Variants in ANAPC4 observed in about 807,000 individuals in gnomAD.
The protein encoded by ANAPC4 is anaphase promoting complex subunit 4, also known as anaphase-promoting complex subunit 4.
ANAPC4 carries 63 observed loss-of-function variants against 119.8 expected under a neutral mutation model. The ratio of observed to expected loss-of-function variants is 0.53; its 90% CI spans 0.43 to 0.65. The LOEUF is 0.65. ANAPC4 is among the 30% of genes least tolerant of loss of function. The pLI is 0.00. For missense variants in ANAPC4, 716 were observed against 945.1 expected (o/e 0.76, Z 3.18); for synonymous variants, 283 against 318.6 (o/e 0.89, Z 1.19).
chr4:25,401,281 A>G (rs1241588362), intron 16 of ANAPC4, among the ~76,000 whole-genome samples: 1 of 151,704 alleles, frequency 6.6e-6, no homozygotes, highest in Non-Finnish European at 1.5e-5. Flanking sequence ...GTTGCTTGGA[A>G]TCTGTGTAGG....
intron 14 of ANAPC4, among the ~76,000 whole-genome samples, chr4:25,395,987 C>T (rs892168611): frequency 3.9e-5 from 6 of 152,212 alleles, no homozygotes; most frequent in Non-Finnish European, 5.9e-5. Context: ...CTCTCTGCCT[C>T]GCCCACACTG....
At chr4:25,394,767 T>C in intron 13 of ANAPC4, 54 bp downstream of exon 13, 1 of 1,595,170 alleles carries the variant, frequency 6.3e-7, no homozygotes, top group Non-Finnish European at 8.5e-7. Flanking sequence ...TCTTAATTTT[T>C]TTTTTCGAGT....
chr4:25,381,773 C>G (rs1721740818), intron 3 of ANAPC4, among the ~76,000 whole-genome samples: 1 of 152,112 alleles, frequency 6.6e-6, no homozygotes, highest in African/African-American at 2.4e-5. Flanking sequence ...TATGGTGAAA[C>G]CCCATCTCTA....
At chr4:25,404,647 G>A (rs141058977) in intron 17 of ANAPC4, among the ~76,000 whole-genome samples, 10 of 152,112 alleles carry the variant, frequency 6.6e-5, no homozygotes, top group African/African-American at 9.6e-5. Flanking sequence ...CTTACCGCTC[G>A]GTCCTTCTCA....
At chr4:25,380,503 A>T in intron 3 of ANAPC4, 24 bp downstream of exon 3, 1 of 1,538,540 alleles carries the variant, frequency 6.5e-7, no homozygotes, top group South Asian at 1.2e-5. Context: ...TACAAAAAAA[A>T]TATGTTTTTA....
intron 21 of ANAPC4, among the ~76,000 whole-genome samples, chr4:25,410,952 A>G (rs1368598421): frequency 6.6e-6 from 1 of 152,200 alleles, no homozygotes; most frequent in African/African-American, 2.4e-5. Context: ...GGTAAGTGAA[A>G]CTCAACCTAT....
Position 25,416,448 on chromosome 4 carries a change from A to T in ANAPC4, c.1925A>T (p.Gln642Leu). 1 of 1,550,384 alleles carries T rather than the reference A, an allele frequency of 6.5e-7. No individual in the cohort carries two copies. Among genetic ancestry groups the T allele is most frequent in the Non-Finnish European group, 8.8e-7 (1 of 1,141,188 alleles). Residue 642 changes from glutamine to leucine, a missense_variant, in exon 27 of 29, where the codon CAG becomes CTG. Transcript: ENST00000315368. ...AGCATCTACAGTTGTTTAGATGCAC[A>T]GTTTTATGATGATGAAACTGTAACA... ...RRSIYSCLDA[Q>L]FYDDETVTVV...
intron 20 of ANAPC4, among the ~76,000 whole-genome samples, chr4:25,408,318 C>A (rs777714169): frequency 6.6e-6 from 1 of 152,102 alleles, no homozygotes; most frequent in South Asian, 2.1e-4. Context: ...CATCTTCTTG[C>A]ACTTTGAACG....
At chr4:25,417,552 G>A in intron 27 of ANAPC4, 64 bp from the exon 28 acceptor site, 5 of 1,479,466 alleles carry the variant, frequency 3.4e-6, no homozygotes, top group Non-Finnish European at 3.6e-6. Context: ...AATACCACCT[G>A]TAGTAAAACT....
At chr4:25,400,534 T>C (rs1231602914) in intron 16 of ANAPC4, among the ~76,000 whole-genome samples, 1 of 152,150 alleles carries the variant, frequency 6.6e-6, no homozygotes, top group African/African-American at 2.4e-5. Context: ...AGCAGCTGTC[T>C]AGTCCAGCAG....
In ANAPC4 at chr4:25,418,147, T is replaced by G; in HGVS notation, c.2200-8T>G. On this transcript the variant is annotated splice_region_variant and splice_polypyrimidine_tract_variant and intron_variant, in intron 28 of 28. Coordinates refer to ENST00000315368, the MANE Select transcript of ANAPC4 (RefSeq NM_013367.3). The stretch of plus-strand genomic sequence containing the variant: ...TTAAAAATGCTTTTATGGCCTTTTC[T>G]TTTTTAGTTAAGCTCAAATCTTCGT... 1 of 1,606,466 alleles carries G rather than the reference T, an allele frequency of 6.2e-7. No homozygotes were observed. Among genetic ancestry groups the G allele is most frequent in the Non-Finnish European group, 8.5e-7 (1 of 1,177,002 alleles).
chr4:25,389,437 G>A (rs960348049), intron 7 of ANAPC4, among the ~76,000 whole-genome samples: 5 of 151,466 alleles, frequency 3.3e-5, no homozygotes, highest in African/African-American at 9.7e-5. Context: ...GATTACAGGC[G>A]TGAGCCACCG....
At position 25,414,288 on chromosome 4, in the gene ANAPC4, C is replaced by T. The variant is rs757181219; in HGVS notation, c.1624-36C>T. ...TGTAGAGTATCTGTGTGCATATTAA[C>T]GCTCTAATTATATTTTAAAATCTTA... On this transcript the variant is annotated intron_variant, in intron 22 of 28. Coordinates refer to ENST00000315368, the MANE Select transcript of ANAPC4 (RefSeq NM_013367.3). 1.2e-4 allele frequency: 160 copies of T among 1,366,860 alleles called. 1 individual carries two copies. The highest frequency in any genetic ancestry group is 1.3e-4 in the East Asian group (5 of 39,658). 84.7% of individuals were successfully genotyped at this position (1,366,860 alleles called of 1,614,324 possible). A position where few individuals can be genotyped will look rare whatever the true frequency, so the allele number is the denominator to read the frequency against.
chr4:25,386,421 C>T (rs1249826155), intron 4 of ANAPC4, among the ~76,000 whole-genome samples: 1 of 151,908 alleles, frequency 6.6e-6, no homozygotes, highest in African/African-American at 2.4e-5. Context: ...CCATGTTGGC[C>T]AGGCTGGTCT....
Position 25,406,828 on chromosome 4 carries a change from G to C in ANAPC4, c.1318-1G>C. 6.3e-7 allele frequency: 1 copy of C among 1,597,374 alleles called. No individual in the cohort carries two copies. ...TTTCTTTTTGTTCCTTTTGTTGATA[G>C]ATGACTCAGAAAGATATCACATTTG... is the stretch of plus-strand genomic sequence containing the variant. On this transcript the variant is annotated splice_acceptor_variant, in intron 18 of 28. Transcript: ENST00000315368. LOFTEE classifies it high-confidence loss of function.
intron 17 of ANAPC4, 43 bp downstream of exon 17, chr4:25,403,069 A>G (rs1203345701): frequency 7.1e-7 from 1 of 1,410,198 alleles, no homozygotes; most frequent in Non-Finnish European, 9.9e-7. Flanking sequence ...ACACTTTAAA[A>G]AAATTATAGG....
chr4:25,395,873 T>C (rs1218885182), intron 14 of ANAPC4, among the ~76,000 whole-genome samples: 2 of 152,198 alleles, frequency 1.3e-5, no homozygotes, highest in African/African-American at 4.8e-5. Context: ...CACACTGTCC[T>C]TTGAATGTAT....
At chr4:25,379,884 A>G (rs550515814) in intron 2 of ANAPC4, among the ~76,000 whole-genome samples, 8 of 152,308 alleles carry the variant, frequency 5.3e-5, no homozygotes, top group Admixed American at 2.6e-4. Flanking sequence ...CGGGGCAGTC[A>G]TAGAGCTCTT....
intron 12 of ANAPC4, 76 bp downstream of exon 12, chr4:25,394,450 A>G (rs1481253784): frequency 7.6e-7 from 1 of 1,311,082 alleles, no homozygotes; most frequent in South Asian, 1.4e-5. Context: ...AGTAGTTTAT[A>G]GTCATAGTAT....
Sources: allele counts gnomAD v4.1 joint callset (sites outside exome capture counted in the v4.1 genomes callset), GRCh38; gene constraint gnomAD v4.1.1; transcripts MANE v1.5; gene names NCBI Gene and HGNC (gene_info 2026-07-23, HGNC 2026-07-21).